Variants in SMYD3 observed in about 807,000 individuals in gnomAD.
SMYD3 encodes the protein SET and MYND domain containing 3.
In SMYD3, 36 loss-of-function variants were observed where a neutral mutation model predicts 57.7. The ratio of observed to expected loss-of-function variants is 0.62; its 90% CI spans 0.48 to 0.82. The LOEUF is 0.82. Among genes scored for constraint, SMYD3 ranks in the 40% least tolerant of loss-of-function variants. The pLI is 0.00. For synonymous variants in SMYD3, 211 were observed against 195.0 expected, an observed-to-expected ratio of 1.08 and a Z score of -0.68; for missense variants, 515 against 538.8, an observed-to-expected ratio of 0.96 and a Z score of 0.44.
chr1:246,216,608 G>C (rs1365492246), intron 5 of SMYD3, among the ~76,000 whole-genome samples: 1 of 151,968 alleles, frequency 6.6e-6, no homozygotes, highest in Non-Finnish European at 1.5e-5. Context: ...GATGAATCTA[G>C]GTGCTAAATT....
At chr1:246,134,798 T>C (rs1015383040) in intron 5 of SMYD3, among the ~76,000 whole-genome samples, 2 of 106,584 alleles carry the variant, frequency 1.9e-5, no homozygotes, top group Non-Finnish European at 5.3e-5. Context: ...CACATTTTCT[T>C]CCCCCCCCTG....
intron 10 of SMYD3, among the ~76,000 whole-genome samples, chr1:245,764,820 C>T (rs12022190): frequency 0.18 from 27,518 of 151,950 alleles, 2,899 homozygotes; most frequent in East Asian, 0.44. Flanking sequence ...GAATAGAATA[C>T]GGTGTTGTCG....
At chr1:246,107,019 G>T (rs915526099) in intron 5 of SMYD3, among the ~76,000 whole-genome samples, 5 of 152,092 alleles carry the variant, frequency 3.3e-5, no homozygotes, top group Admixed American at 1.3e-4. Flanking sequence ...AATTTTGAAG[G>T]CCGGGCACGG....
intron 5 of SMYD3, among the ~76,000 whole-genome samples, chr1:246,011,733 C>A (rs1321617253): frequency 2.6e-5 from 4 of 152,146 alleles, no homozygotes; most frequent in Non-Finnish European, 5.9e-5. Context: ...GGCACTGGCT[C>A]TAGCATTAAA....
intron 5 of SMYD3, among the ~76,000 whole-genome samples, chr1:245,985,911 C>A (rs1458398868): frequency 6.6e-6 from 1 of 152,126 alleles, no homozygotes; most frequent in Non-Finnish European, 1.5e-5. Context: ...ACAGCAATTA[C>A]CTGTTTCCAA....
chr1:245,781,675 C>T lies in SMYD3; in HGVS notation c.1077-17526G>A, dbSNP rs373096620. On this transcript the variant is annotated intron_variant, in intron 10 of 11. Transcript: ENST00000490107. ...TAATGGTCTCCTCCAAATTCCATAG[C>T]GACCATTAAAGAAAATATGTCTGGG... 2.6e-5 allele frequency among the ~76,000 whole-genome samples: 4 copies of T among 152,136 alleles called. No individual in the cohort carries two copies. The East Asian group carries it at 5.8e-4, about 22-fold the overall frequency.
At chr1:246,193,022 AC>A (rs1407079196) in intron 5 of SMYD3, among the ~76,000 whole-genome samples, 1 of 152,236 alleles carries the variant, frequency 6.6e-6, no homozygotes, top group Non-Finnish European at 1.5e-5. Flanking sequence ...CAAATTAAGA[AC>A]AAAATATGCT....
Position 246,203,577 on chromosome 1 carries a change from C to G in SMYD3, c.531+123624G>C, listed in dbSNP as rs1434829878. Among the ~76,000 whole-genome samples, 2 of 152,234 alleles carry G rather than the reference C, an allele frequency of 1.3e-5. No homozygotes were observed. The highest frequency in any genetic ancestry group is 4.8e-5 in the African/African-American group (2 of 41,464). On this transcript the variant is annotated intron_variant, in intron 5 of 11. Coordinates refer to ENST00000490107, the MANE Select transcript of SMYD3 (RefSeq NM_001167740.2). The surrounding 1 kb of genome is among the most constrained non-coding windows in gnomAD (Gnocchi z 4.6). ...ACGGCAGTCCCTCTGCGCACATGTG[C>G]TGTTGGTGTCTCTTCCTCTTCCTAC...
intron 5 of SMYD3, among the ~76,000 whole-genome samples, chr1:246,003,074 G>A (rs941182097): frequency 6.6e-6 from 1 of 152,224 alleles, no homozygotes. Flanking sequence ...GTTGTAGGTA[G>A]GAGGATTGGT....
At chr1:245,896,156 C>T (rs2053766681) in intron 8 of SMYD3, among the ~76,000 whole-genome samples, 1 of 152,118 alleles carries the variant, frequency 6.6e-6, no homozygotes, top group Non-Finnish European at 1.5e-5. Flanking sequence ...ACGGCTGACA[C>T]TGGGTAAAAG....
At chr1:245,872,330 CAAG>C (rs2052242817) in intron 8 of SMYD3, among the ~76,000 whole-genome samples, 2 of 152,286 alleles carry the variant, frequency 1.3e-5, no homozygotes, top group African/African-American at 4.8e-5. Flanking sequence ...TGCATCCTCG[CAAG>C]AGCCCAAAGT....
At chr1:246,213,774 T>C (rs545697723) in intron 5 of SMYD3, among the ~76,000 whole-genome samples, 4 of 152,314 alleles carry the variant, frequency 2.6e-5, no homozygotes, top group African/African-American at 7.2e-5. Flanking sequence ...CCATCGGCCA[T>C]TGAGTAAATC....
At chr1:245,841,313 T>C (rs1430285353) in intron 10 of SMYD3, among the ~76,000 whole-genome samples, 1 of 152,206 alleles carries the variant, frequency 6.6e-6, no homozygotes, top group African/African-American at 2.4e-5. Flanking sequence ...CACATTAATA[T>C]AAACAGAGAA....
intron 5 of SMYD3, among the ~76,000 whole-genome samples, chr1:246,110,771 C>A (rs373970810): frequency 6.6e-6 from 1 of 152,188 alleles, no homozygotes; most frequent in Non-Finnish European, 1.5e-5. Flanking sequence ...TGCGCGCCTG[C>A]GCTACAGACT....
chr1:246,131,358 A>C (rs1258589329), intron 5 of SMYD3, among the ~76,000 whole-genome samples: 2 of 152,190 alleles, frequency 1.3e-5, no homozygotes, highest in African/African-American at 4.8e-5. Context: ...TGAATGAATC[A>C]TGTAAACATC....
intron 1 of SMYD3, among the ~76,000 whole-genome samples, chr1:246,445,823 G>A (rs951136862): frequency 2.0e-5 from 3 of 151,032 alleles, no homozygotes; most frequent in Non-Finnish European, 2.9e-5. Context: ...AAATGGGACC[G>A]GAGCTTTGCC....
chr1:246,405,265 T>G (rs905649042), intron 1 of SMYD3, among the ~76,000 whole-genome samples: 1 of 152,154 alleles, frequency 6.6e-6, no homozygotes, highest in African/African-American at 2.4e-5. Flanking sequence ...CAGTATGATA[T>G]TTTTACACGT....
chr1:246,506,739 A>C (rs930535656), intron 1 of SMYD3, among the ~76,000 whole-genome samples: 1 of 152,012 alleles, frequency 6.6e-6, no homozygotes, highest in East Asian at 1.9e-4. Context: ...TCCCAGCAAA[A>C]TTATCCCCGG....
rs529689174 is a variant in SMYD3 at position 246,397,297 on chromosome 1, T to G, written c.165-42203A>C. 5.9e-5 allele frequency among the ~76,000 whole-genome samples: 9 copies of G among 152,308 alleles called. No individual in the cohort carries two copies. The East Asian group carries it at 9.6e-4, about 16-fold the overall frequency. ...GAATCTAATAATAAATGTAATGTGCTTGAATCATCCCAAAGCCATCCCCTG... is the reference window on the plus strand; with the variant it reads ...GAATCTAATAATAAATGTAATGTGCGTGAATCATCCCAAAGCCATCCCCTG... On this transcript the variant is annotated intron_variant, in intron 1 of 11. Coordinates refer to ENST00000490107, the MANE Select transcript of SMYD3 (RefSeq NM_001167740.2).
Sources: gnomAD v4.1 joint callset for allele counts (sites outside exome capture counted in the v4.1 genomes callset) on GRCh38, gnomAD v4.1.1 for gene constraint, Gnocchi (gnomAD v3.1) non-coding constraint, MANE v1.5 for transcripts, NCBI Gene and HGNC (gene_info 2026-07-23, HGNC 2026-07-21) for gene names.